Variants in FARS2 observed in about 807,000 individuals in gnomAD.
The protein encoded by FARS2 is phenylalanyl-tRNA synthetase 2, mitochondrial.
Under a neutral mutation model 46.4 loss-of-function variants are expected in FARS2, and 40 were observed. That is an observed-to-expected ratio of 0.86 (90% CI 0.67 to 1.12). The LOEUF (loss-of-function observed/expected upper bound fraction) is 1.12, where lower values mean the gene tolerates loss of function less well. Among genes scored for constraint, FARS2 ranks in the 50% most tolerant of loss-of-function variants. FARS2 has a pLI of 0.00. For missense variants in FARS2, 513 were observed against 567.9 expected, an observed-to-expected ratio of 0.90 and a Z score of 0.98; for synonymous variants, 234 against 214.9, an observed-to-expected ratio of 1.09 and a Z score of -0.78.
chr6:5,531,865 T>C (rs1406790652), intron 4 of FARS2, among the ~76,000 whole-genome samples: 4 of 152,224 alleles, frequency 2.6e-5, no homozygotes, highest in Non-Finnish European at 4.4e-5. Context: ...TTTCTAGGCC[T>C]GCTTCTGGAT....
chr6:5,493,690 CACGG>C (rs1445623506), intron 4 of FARS2, among the ~76,000 whole-genome samples: 1 of 152,180 alleles, frequency 6.6e-6, no homozygotes, highest in African/African-American at 2.4e-5. Context: ...ATTAGCTATT[CACGG>C]AGTTGTTTTG....
chr6:5,359,846 A>C (rs569639438), intron 1 of FARS2, among the ~76,000 whole-genome samples: 21 of 152,240 alleles, frequency 1.4e-4, no homozygotes, highest in Non-Finnish European at 2.6e-4. Context: ...AGACACTCTC[A>C]TGTGCCGGAG....
chr6:5,320,913 C>T (rs923905146), intron 1 of FARS2, among the ~76,000 whole-genome samples: 4 of 152,164 alleles, frequency 2.6e-5, no homozygotes, highest in African/African-American at 9.7e-5. Flanking sequence ...GCCAAGGTAA[C>T]TCCCTGGGTC....
chr6:5,719,925 C>CT (rs1246854517), intron 6 of FARS2, among the ~76,000 whole-genome samples: 1 of 152,172 alleles, frequency 6.6e-6, no homozygotes, highest in African/African-American at 2.4e-5. Context: ...GTTGTGGACT[C>CT]TCTATTATAC....
At chr6:5,696,980 A>C (rs1419354677) in intron 6 of FARS2, among the ~76,000 whole-genome samples, 1 of 152,212 alleles carries the variant, frequency 6.6e-6, no homozygotes, top group Non-Finnish European at 1.5e-5. Flanking sequence ...CTTGGGAGTG[A>C]GTTTCTCTAG....
intron 5 of FARS2, among the ~76,000 whole-genome samples, chr6:5,574,671 C>T (rs1413645500): frequency 4.6e-5 from 7 of 152,064 alleles, no homozygotes; most frequent in Non-Finnish European, 1.0e-4. Flanking sequence ...AGCTTTAGTT[C>T]CTAGAGGAAA....
At chr6:5,548,678 G>T (rs944965424) in intron 5 of FARS2, among the ~76,000 whole-genome samples, 3 of 152,138 alleles carry the variant, frequency 2.0e-5, no homozygotes, top group African/African-American at 7.2e-5. Flanking sequence ...GAATTAAGTG[G>T]CTTAAATTCA....
intron 4 of FARS2, among the ~76,000 whole-genome samples, chr6:5,472,455 AAAG>A (rs1369071836): frequency 6.6e-6 from 1 of 152,140 alleles, no homozygotes; most frequent in African/African-American, 2.4e-5. Context: ...GGGAAAACAA[AAAG>A]GAGCAGGAGA....
At chr6:5,719,837 A>G (rs1759772593) in intron 6 of FARS2, among the ~76,000 whole-genome samples, 1 of 152,244 alleles carries the variant, frequency 6.6e-6, no homozygotes, top group Non-Finnish European at 1.5e-5. Flanking sequence ...CCATTCAAAA[A>G]TAATCTTGTA....
chr6:5,258,187 G>A (rs527730689), upstream of FARS2, among the ~76,000 whole-genome samples: 1 of 152,350 alleles, frequency 6.6e-6, no homozygotes, highest in East Asian at 1.9e-4. Flanking sequence ...GACTGGAGGA[G>A]CAGACAGGGC....
chr6:5,616,786 G>A (rs1775499451), intron 6 of FARS2, among the ~76,000 whole-genome samples: 1 of 152,056 alleles, frequency 6.6e-6, no homozygotes, highest in African/African-American at 2.4e-5. Context: ...AATTTTTGAG[G>A]TCACAGTCCC....
At chr6:5,441,607 A>G (rs1469406257) in intron 4 of FARS2, among the ~76,000 whole-genome samples, 1 of 152,110 alleles carries the variant, frequency 6.6e-6, no homozygotes, top group Admixed American at 6.5e-5. Flanking sequence ...TTTGCAGCTT[A>G]TATTCTACTG....
intron 5 of FARS2, among the ~76,000 whole-genome samples, chr6:5,605,549 G>C (rs2064107): frequency 0.28 from 42,889 of 152,122 alleles, 6,851 homozygotes; most frequent in African/African-American, 0.43. Context: ...AGGGGTTCGA[G>C]CAGAGGAACC....
intron 6 of FARS2, among the ~76,000 whole-genome samples, chr6:5,648,541 G>T (rs1196534091): frequency 6.6e-6 from 1 of 152,172 alleles, no homozygotes; most frequent in Non-Finnish European, 1.5e-5. Context: ...CAGGGTGTTT[G>T]GACCCAGGGT....
the FARS2 span, among the ~76,000 whole-genome samples, chr6:5,251,486 T>C: frequency 2.6e-5 from 4 of 151,884 alleles, no homozygotes; most frequent in African/African-American, 9.7e-5. Flanking sequence ...TGGCAGAAGG[T>C]GAAGGGGGAG....
At chr6:5,356,542 A>C (rs575941512) in intron 1 of FARS2, among the ~76,000 whole-genome samples, 104 of 152,200 alleles carry the variant, frequency 6.8e-4, no homozygotes, top group Non-Finnish European at 1.3e-3. Context: ...AAGTGCAAGA[A>C]GGCTGTGATG....
At chr6:5,569,160 G>A (rs534006642) in intron 5 of FARS2, among the ~76,000 whole-genome samples, 33 of 152,060 alleles carry the variant, frequency 2.2e-4, no homozygotes, top group Non-Finnish European at 3.2e-4. Flanking sequence ...GAGCTGGGTA[G>A]ATGAGAAACA....
At chr6:5,427,272 A>G (rs1489521471) in intron 3 of FARS2, among the ~76,000 whole-genome samples, 1 of 152,244 alleles carries the variant, frequency 6.6e-6, no homozygotes, top group Non-Finnish European at 1.5e-5. Context: ...AATGGTTTGA[A>G]GACTTAAATG....
At chr6:5,668,686 G>GTTTTTTTTTTT (rs58819474) in intron 6 of FARS2, among the ~76,000 whole-genome samples, 1 of 53,404 alleles carries the variant, frequency 1.9e-5, no homozygotes, top group Non-Finnish European at 3.5e-5. Context: ...GTGTGTTTGG[G>GTTTTTTTTTTT]TTTTTTTTTT....
Sources: gnomAD v4.1 joint callset for allele counts (sites outside exome capture counted in the v4.1 genomes callset) on GRCh38, gnomAD v4.1.1 for gene constraint, MANE v1.5 for transcripts, NCBI Gene and HGNC (gene_info 2026-07-23, HGNC 2026-07-21) for gene names.